The following OLFM3 variants were observed in gnomAD, a reference collection of about 807,000 sequenced individuals.
The protein encoded by OLFM3 is olfactomedin 3.
Under a neutral mutation model 48.6 loss-of-function variants are expected in OLFM3, and 20 were observed. The observed-to-expected ratio is 0.41, with a 90% CI of 0.29 to 0.60. OLFM3 has a LOEUF of 0.60. Ranked by LOEUF, OLFM3 falls within the 20% of genes least tolerant of loss-of-function variation. OLFM3 has a pLI of 0.28. For synonymous variants in OLFM3, 222 were observed against 198.1 expected (o/e 1.12, Z -1.01); for missense variants, 437 against 544.3 (o/e 0.80, Z 1.96).
intron 4 of OLFM3, among the ~76,000 whole-genome samples, chr1:101,824,447 AC>A: frequency 6.6e-6 from 1 of 152,304 alleles, no homozygotes; most frequent in East Asian, 1.9e-4. Context: ...CATGCATGTC[AC>A]ATGCTTGACT....
chr1:101,986,903 G>C (rs1402907088), intron 1 of OLFM3, among the ~76,000 whole-genome samples: 1 of 152,082 alleles, frequency 6.6e-6, no homozygotes, highest in East Asian at 1.9e-4. Context: ...AAAGTTAACT[G>C]AAATATTTAA....
At chr1:101,867,505 A>G (rs1656903030) in intron 1 of OLFM3, among the ~76,000 whole-genome samples, 1 of 152,192 alleles carries the variant, frequency 6.6e-6, no homozygotes, top group African/African-American at 2.4e-5. Flanking sequence ...AATCTAGACT[A>G]GAATACTATA....
At chr1:101,899,776 T>A (rs1658330655) in intron 1 of OLFM3, among the ~76,000 whole-genome samples, 1 of 152,042 alleles carries the variant, frequency 6.6e-6, no homozygotes. Context: ...AATGAATAAA[T>A]ACATTTAAAA....
Position 101,918,385 on chromosome 1 carries a change from A to G in OLFM3, c.69+78363T>C, listed in dbSNP as rs149280415. 1.2e-3 allele frequency among the ~76,000 whole-genome samples: 178 copies of G among 152,250 alleles called. 1 individual carries two copies. The highest frequency in any genetic ancestry group is 4.0e-3 in the African/African-American group (165 of 41,544). ...GGTATCGTGGGGCTGAAATCAAGCTATTGATGCATGAGTTCCTTCTGGAAG... is the reference window on the plus strand; with the variant it reads ...GGTATCGTGGGGCTGAAATCAAGCTGTTGATGCATGAGTTCCTTCTGGAAG... On this transcript the variant is annotated intron_variant, in intron 1 of 5. Transcript: ENST00000370103.
intron 1 of OLFM3, among the ~76,000 whole-genome samples, chr1:101,953,272 G>A (rs1406729178): frequency 6.6e-6 from 1 of 152,026 alleles, no homozygotes; most frequent in African/African-American, 2.4e-5. Context: ...GACCGAGATG[G>A]CAAACTTTGG....
chr1:101,988,011 G>T (rs1661297057), intron 1 of OLFM3, among the ~76,000 whole-genome samples: 1 of 151,880 alleles, frequency 6.6e-6, no homozygotes, highest in Non-Finnish European at 1.5e-5. Flanking sequence ...CTTGATGGTG[G>T]TGCTATGTTC....
chr1:101,804,564 T>C lies in OLFM3; in HGVS notation c.1051A>G (p.Ile351Val). ...ATNQNAGNIVISQLNQDTLEV... is the reference protein window; with the variant it reads ...ATNQNAGNIVVSQLNQDTLEV... ...AAGGTATCTTGGTTAAGTTGGCTGA[T>C]GACAATATTGCCTGCATTCTGGTTA... Residue 351 changes from isoleucine (I) to valine (V), a missense_variant, in exon 6 of 6, where the codon ATC becomes GTC. By Grantham distance (29) the Ile-to-Val change is conservative. Around this residue, in one of 3 missense-constraint regions of OLFM3, gnomAD observed 108 missense variants for 135.8 expected, o/e 0.80. Coordinates refer to ENST00000370103, the MANE Select transcript of OLFM3 (RefSeq NM_058170.4). The surrounding 1 kb of genome is among the most constrained non-coding windows in gnomAD (Gnocchi z 4.5). 1.2e-6 allele frequency: 2 copies of C among 1,612,632 alleles called. No homozygotes were observed. The highest frequency in any genetic ancestry group is 1.7e-5 in the Admixed American group (1 of 59,812).
intron 1 of OLFM3, among the ~76,000 whole-genome samples, chr1:101,897,336 T>C (rs1479808026): frequency 6.6e-5 from 10 of 152,226 alleles, no homozygotes; most frequent in Admixed American, 6.5e-4. Flanking sequence ...AAATATTCTT[T>C]CTAAAACTTA....
chr1:101,970,272 C>A (rs1660744621), intron 1 of OLFM3, among the ~76,000 whole-genome samples: 1 of 152,194 alleles, frequency 6.6e-6, no homozygotes, highest in South Asian at 2.1e-4. Flanking sequence ...CCGCCTTGGC[C>A]TCCCAAAGTG....
chr1:101,862,514 T>G (rs891501006), intron 1 of OLFM3, among the ~76,000 whole-genome samples: 3 of 152,216 alleles, frequency 2.0e-5, no homozygotes, highest in Admixed American at 6.5e-5. Context: ...GGATGCTGAC[T>G]TAAAATGACT....
intron 1 of OLFM3, among the ~76,000 whole-genome samples, chr1:101,903,430 T>C (rs1189318840): frequency 6.6e-6 from 1 of 152,034 alleles, no homozygotes; most frequent in Non-Finnish European, 1.5e-5. Flanking sequence ...AGAGAAAGAT[T>C]TAATACCAAG....
chr1:101,895,778 A>C (rs1658176537), intron 1 of OLFM3, among the ~76,000 whole-genome samples: 1 of 151,992 alleles, frequency 6.6e-6, no homozygotes, highest in South Asian at 2.1e-4. Context: ...ATCAGATTGA[A>C]CTTTATAATT....
chr1:101,878,626 C>T (rs935466574), intron 1 of OLFM3, among the ~76,000 whole-genome samples: 2 of 151,776 alleles, frequency 1.3e-5, no homozygotes, highest in East Asian at 1.9e-4. Flanking sequence ...TGGGCTCATG[C>T]GGGAAGCCAT....
At chr1:101,846,385 G>A (rs1448059528) in intron 1 of OLFM3, among the ~76,000 whole-genome samples, 2 of 152,104 alleles carry the variant, frequency 1.3e-5, no homozygotes, top group Non-Finnish European at 2.9e-5. Context: ...TTCTTTGAGT[G>A]AATTCATTGC....
intron 2 of OLFM3, among the ~76,000 whole-genome samples, chr1:101,832,832 G>A (rs529196939): frequency 3.0e-4 from 46 of 152,236 alleles, no homozygotes; most frequent in East Asian, 1.9e-3. Context: ...TTAATATTCC[G>A]AAAGCTTTAT....
At chr1:101,829,106 A>G (rs895011603) in intron 3 of OLFM3, among the ~76,000 whole-genome samples, 1 of 152,324 alleles carries the variant, frequency 6.6e-6, no homozygotes, top group Non-Finnish European at 1.5e-5. Flanking sequence ...AAGACAGATT[A>G]CGTATAATAC....
At chr1:101,828,489 G>A (rs1361334630) in intron 3 of OLFM3, among the ~76,000 whole-genome samples, 3 of 152,146 alleles carry the variant, frequency 2.0e-5, no homozygotes, top group African/African-American at 7.2e-5. Flanking sequence ...ATGTCACATG[G>A]TGCTGCTGCC....
intron 1 of OLFM3, among the ~76,000 whole-genome samples, chr1:101,982,068 G>T (rs10430070): frequency 0.53 from 80,422 of 151,946 alleles, 21,597 homozygotes; most frequent in East Asian, 0.73. Context: ...TAAATTGAAG[G>T]CCAGTTTAAT....
chr1:101,948,313 G>T (rs1252505577), intron 1 of OLFM3, among the ~76,000 whole-genome samples: 1 of 152,016 alleles, frequency 6.6e-6, no homozygotes, highest in Non-Finnish European at 1.5e-5. Flanking sequence ...TGGAGATAAT[G>T]AATGAGCAAA....
Sources: gnomAD v4.1 joint callset for allele counts (sites outside exome capture counted in the v4.1 genomes callset) on GRCh38, gnomAD v4.1.1 for gene constraint, gnomAD v4.1.1 regional missense constraint, Gnocchi (gnomAD v3.1) non-coding constraint, MANE v1.5 for transcripts, NCBI Gene and HGNC (gene_info 2026-07-23, HGNC 2026-07-21) for gene names.